Variants in GRM5 observed in about 807,000 individuals in gnomAD.
The protein encoded by GRM5 is metabotropic glutamate receptor 5.
Under a neutral mutation model 83.1 loss-of-function variants are expected in GRM5, and 19 were observed. The ratio of observed to expected loss-of-function variants is 0.23; its 90% CI spans 0.16 to 0.34. The LOEUF is 0.34. GRM5 is among the 10% of genes least tolerant of loss of function. The pLI is 1.00. For synonymous variants in GRM5, 675 were observed against 633.6 expected, an observed-to-expected ratio of 1.07 and a Z score of -0.98; for missense variants, 1,160 against 1,588.3, an observed-to-expected ratio of 0.73 and a Z score of 4.58.
intron 3 of GRM5, among the ~76,000 whole-genome samples, chr11:88,770,516 G>C (rs1404753631): frequency 6.6e-6 from 1 of 152,090 alleles, no homozygotes; most frequent in East Asian, 1.9e-4. Context: ...AAATGAAGTT[G>C]ATTCATAGAA....
At chr11:89,055,056 T>G (rs978729998) in intron 1 of GRM5, among the ~76,000 whole-genome samples, 1 of 152,228 alleles carries the variant, frequency 6.6e-6, no homozygotes, top group African/African-American at 2.4e-5. Context: ...CATTCCTCCT[T>G]GGGAGCCTAT....
At chr11:88,800,285 A>C (rs1943364775) in intron 3 of GRM5, among the ~76,000 whole-genome samples, 1 of 151,758 alleles carries the variant, frequency 6.6e-6, no homozygotes, top group Admixed American at 6.6e-5. Flanking sequence ...CTTATGTAGG[A>C]CTCTCCAGCC....
intron 2 of GRM5, among the ~76,000 whole-genome samples, chr11:89,040,615 C>T (rs1425913533): frequency 8.5e-5 from 13 of 152,070 alleles, no homozygotes; most frequent in Admixed American, 8.5e-4. Flanking sequence ...CCAGGAGGAT[C>T]GTTTGAGACC....
Position 88,635,871 on chromosome 11 carries a change from A to T in GRM5, c.1147+17297T>A, listed in dbSNP as rs937691744. Among the ~76,000 whole-genome samples, 8 of 152,194 alleles carry T rather than the reference A, an allele frequency of 5.3e-5. No individual in the cohort carries two copies. In the South Asian group the frequency reaches 6.2e-4, roughly 12 times the overall value. ...GAGTTGATTCTCGTCTATGGTGTGA[A>T]GTAAGGGTCCAATTTTATTTTTCCA... On this transcript the variant is annotated intron_variant, in intron 4 of 9. Transcript: ENST00000305447.
chr11:88,817,978 G>T (rs1943720826), intron 3 of GRM5, among the ~76,000 whole-genome samples: 1 of 152,054 alleles, frequency 6.6e-6, no homozygotes, highest in Non-Finnish European at 1.5e-5. Flanking sequence ...CTTAGAAGCA[G>T]TAAGTACTCA....
chr11:88,791,721 A>T (rs1256171780), intron 3 of GRM5, among the ~76,000 whole-genome samples: 1 of 152,188 alleles, frequency 6.6e-6, no homozygotes, highest in Admixed American at 6.6e-5. Flanking sequence ...TTATTTTAAG[A>T]TACTCTATCA....
At chr11:88,577,549 G>T (rs1943138587) in intron 7 of GRM5, among the ~76,000 whole-genome samples, 1 of 152,074 alleles carries the variant, frequency 6.6e-6, no homozygotes, top group Non-Finnish European at 1.5e-5. Flanking sequence ...CAAATGCTCA[G>T]GCTCTGTGAC....
intron 8 of GRM5, among the ~76,000 whole-genome samples, chr11:88,549,769 C>T (rs1379795056): frequency 6.6e-6 from 1 of 151,878 alleles, no homozygotes; most frequent in Non-Finnish European, 1.5e-5. Context: ...GCTCTGTGAG[C>T]CATGTGAAAG....
At chr11:88,995,438 G>C (rs1182846652) in intron 2 of GRM5, among the ~76,000 whole-genome samples, 2 of 150,944 alleles carry the variant, frequency 1.3e-5, no homozygotes, top group East Asian at 3.9e-4. Flanking sequence ...CCAGCTACTA[G>C]GGAGGCCGAG....
chr11:88,759,107 T>C (rs1408466827), intron 3 of GRM5, among the ~76,000 whole-genome samples: 1 of 152,052 alleles, frequency 6.6e-6, no homozygotes, highest in Non-Finnish European at 1.5e-5. Context: ...GGAAACATCA[T>C]TACCATCCAC....
intron 8 of GRM5, among the ~76,000 whole-genome samples, chr11:88,533,911 C>T (rs1181301467): frequency 2.0e-5 from 3 of 152,078 alleles, no homozygotes; most frequent in African/African-American, 7.2e-5. Flanking sequence ...TGCATCCCAG[C>T]CACTCTAGTT....
rs1310930289 is a variant in GRM5 at position 88,792,622 on chromosome 11, T to C, written c.911+57284A>G. The stretch of plus-strand genomic sequence containing the variant: ...CTTCTCCATTGTAAAAAAAGTTATC[T>C]TAAAGATGGGAATTTTTCTATACAA... On this transcript the variant is annotated intron_variant, in intron 3 of 9. Transcript: ENST00000305447. Among the ~76,000 whole-genome samples the C allele has an allele frequency of 8.5e-5, 13 of 152,076 alleles. No homozygotes were observed. The South Asian group carries it at 2.5e-3, about 29-fold the overall frequency.
intron 8 of GRM5, among the ~76,000 whole-genome samples, chr11:88,553,228 G>T (rs1942551209): frequency 6.6e-6 from 1 of 152,040 alleles, no homozygotes; most frequent in Admixed American, 6.6e-5. Context: ...AGTCCATTTG[G>T]GCTAGAACAT....
chr11:88,965,308 C>T (rs1938918825), intron 2 of GRM5, among the ~76,000 whole-genome samples: 1 of 152,090 alleles, frequency 6.6e-6, no homozygotes, highest in African/African-American at 2.4e-5. Context: ...TTGCAGACTT[C>T]CCATTCTATC....
chr11:88,917,678 C>T (rs1256274399), intron 2 of GRM5, among the ~76,000 whole-genome samples: 1 of 151,868 alleles, frequency 6.6e-6, no homozygotes, highest in African/African-American at 2.4e-5. Context: ...TCTGGAACAG[C>T]CCTATTAACT....
chr11:89,045,264 G>A (rs1941618388), intron 2 of GRM5, among the ~76,000 whole-genome samples: 1 of 152,058 alleles, frequency 6.6e-6, no homozygotes, highest in African/African-American at 2.4e-5. Flanking sequence ...GGTAAATTAT[G>A]TATTTAATAT....
chr11:88,895,414 C>T (rs1250997621), intron 2 of GRM5, among the ~76,000 whole-genome samples: 1 of 151,846 alleles, frequency 6.6e-6, no homozygotes, highest in Non-Finnish European at 1.5e-5. Context: ...CATCACTAAA[C>T]CTTAGGCTGT....
At chr11:88,854,775 T>TATAAA (rs1944443873) in intron 2 of GRM5, among the ~76,000 whole-genome samples, 2 of 151,820 alleles carry the variant, frequency 1.3e-5, no homozygotes, top group Non-Finnish European at 2.9e-5. Flanking sequence ...ACACCCTGGA[T>TATAAA]ATAAAATAAA....
chr11:88,543,724 C>T lies in GRM5; in HGVS notation c.2631-18320G>A, dbSNP rs7927673. 3.3e-3 allele frequency among the ~76,000 whole-genome samples: 491 copies of T among 150,474 alleles called. 4 individuals carry two copies. Among genetic ancestry groups the T allele is most frequent in the African/African-American group, 8.3e-3 (338 of 40,944 alleles). On this transcript the variant is annotated intron_variant, in intron 8 of 9. Coordinates refer to ENST00000305447, the MANE Select transcript of GRM5 (RefSeq NM_001143831.3). ...CAAAGGATCGAGTTATCTATACTTC[C>T]TTACTAACATTATTTTTTATGAGTC...
Sources: gnomAD v4.1 joint callset for allele counts (sites outside exome capture counted in the v4.1 genomes callset) on GRCh38, gnomAD v4.1.1 for gene constraint, MANE v1.5 for transcripts, NCBI Gene and HGNC (gene_info 2026-07-23, HGNC 2026-07-21) for gene names.